ENPP3: variants seen among roughly 807,000 people sequenced by gnomAD.
The protein encoded by ENPP3 is ectonucleotide pyrophosphatase/phosphodiesterase family member 3.
ENPP3 carries 104 observed loss-of-function variants against 117.8 expected under a neutral mutation model. The observed-to-expected ratio is 0.88, with a 90% CI of 0.75 to 1.04. The LOEUF (loss-of-function observed/expected upper bound fraction) is 1.04, where lower values mean the gene tolerates loss of function less well. ENPP3 is among the 50% of genes least tolerant of loss of function. The pLI is 0.00. For missense variants in ENPP3, 1,026 were observed against 1,051.9 expected, an observed-to-expected ratio of 0.98 and a Z score of 0.34; for synonymous variants, 380 against 349.9, an observed-to-expected ratio of 1.09 and a Z score of -0.96.
intron 11 of ENPP3, among the ~76,000 whole-genome samples, chr6:131,681,056 G>T (rs1018346363): frequency 1.3e-5 from 2 of 151,858 alleles, no homozygotes; most frequent in African/African-American, 2.4e-5. Flanking sequence ...GTGGTTGGGG[G>T]AGTGAATCAG....
intron 14 of ENPP3, among the ~76,000 whole-genome samples, chr6:131,686,523 T>G (rs994421512): frequency 6.6e-6 from 1 of 152,200 alleles, no homozygotes; most frequent in Non-Finnish European, 1.5e-5. Flanking sequence ...TTTAAAAAAT[T>G]CAACTTTCAT....
intron 7 of ENPP3, among the ~76,000 whole-genome samples, chr6:131,671,655 C>G: frequency 6.6e-6 from 1 of 152,146 alleles, no homozygotes; most frequent in Non-Finnish European, 1.5e-5. Context: ...GAACAGTAGG[C>G]TATATATAGG....
At chr6:131,669,229 C>A (rs573595834) in intron 6 of ENPP3, among the ~76,000 whole-genome samples, 1 of 151,954 alleles carries the variant, frequency 6.6e-6, no homozygotes, top group African/African-American at 2.4e-5. Flanking sequence ...TATTAAATGT[C>A]TTTCCTTAAT....
intron 6 of ENPP3, among the ~76,000 whole-genome samples, chr6:131,660,406 T>C (rs1198233223): frequency 6.6e-6 from 1 of 152,138 alleles, no homozygotes; most frequent in East Asian, 1.9e-4. Flanking sequence ...AGGAAGTGGC[T>C]CTCTGAATCA....
intron 6 of ENPP3, among the ~76,000 whole-genome samples, chr6:131,658,684 A>G (rs142794868): frequency 1.9e-4 from 29 of 152,262 alleles, no homozygotes; most frequent in African/African-American, 5.8e-4. Flanking sequence ...CTTCTGTCCT[A>G]TGGAAATCTA....
Position 131,747,122 on chromosome 6 carries a change from A to C in ENPP3, c.*166A>C. On this transcript the variant is annotated 3_prime_UTR_variant, in exon 25 of 25. Coordinates refer to ENST00000357639, the MANE Select transcript of ENPP3 (RefSeq NM_005021.5). The stretch of plus-strand genomic sequence containing the variant: ...TTTTTCTCTTTTTTCAATTCTATGA[A>C]TATGTATTATTTTAAAGTTATATTT... 2 of 451,082 alleles carry C rather than the reference A, an allele frequency of 4.4e-6. No individual in the cohort carries two copies. Among genetic ancestry groups the C allele is most frequent in the South Asian group, 1.0e-4 (2 of 20,094 alleles). 27.9% of individuals were successfully genotyped at this position (451,082 alleles called of 1,614,324 possible).
chr6:131,733,753 C>G (rs763570212), intron 21 of ENPP3, 30 bp downstream of exon 21: 57 of 1,608,086 alleles, frequency 3.5e-5, no homozygotes, highest in Non-Finnish European at 4.8e-5. Context: ...AGAGCAGTAG[C>G]TTAGAAAGCT....
At chr6:131,739,808 C>T (rs1437972002) in intron 23 of ENPP3, among the ~76,000 whole-genome samples, 4 of 151,590 alleles carry the variant, frequency 2.6e-5, no homozygotes, top group Admixed American at 1.3e-4. Flanking sequence ...CAGTGGCTCA[C>T]GCCTGTCATG....
intron 5 of ENPP3, among the ~76,000 whole-genome samples, chr6:131,653,388 T>C (rs1778307741): frequency 6.6e-6 from 1 of 151,508 alleles, no homozygotes; most frequent in African/African-American, 2.4e-5. Context: ...GTTCAAGTTA[T>C]CTACTCGCCT....
At chr6:131,665,530 T>C (rs1014373448) in intron 6 of ENPP3, among the ~76,000 whole-genome samples, 7 of 152,252 alleles carry the variant, frequency 4.6e-5, no homozygotes, top group African/African-American at 1.7e-4. Context: ...TGTTGGCATA[T>C]AATTATTCAT....
intron 16 of ENPP3, 84 bp downstream of exon 16, chr6:131,718,822 C>T: frequency 1.3e-6 from 1 of 750,138 alleles, no homozygotes; most frequent in Non-Finnish European, 2.3e-6. Flanking sequence ...CATAGGTAAA[C>T]ATCTGTCATG....
intron 2 of ENPP3, among the ~76,000 whole-genome samples, chr6:131,648,658 A>T (rs547686849): frequency 6.6e-6 from 1 of 152,332 alleles, no homozygotes; most frequent in African/African-American, 2.4e-5. Flanking sequence ...TTTTCAAGGG[A>T]TAGAAACAAG....
intron 9 of ENPP3, 107 bp from the exon 10 acceptor site, chr6:131,676,629 A>G: frequency 1.4e-6 from 1 of 730,020 alleles, no homozygotes; most frequent in South Asian, 1.6e-5. Context: ...ATTATATAGG[A>G]ACACAAAATG....
chr6:131,683,751 T>TG (rs1479927729), intron 12 of ENPP3, among the ~76,000 whole-genome samples: 1 of 145,754 alleles, frequency 6.9e-6, no homozygotes, highest in Non-Finnish European at 1.5e-5. Flanking sequence ...CTCTACAGGT[T>TG]TTTTTTTTTT....
chr6:131,703,214 C>T (rs1336126173), intron 15 of ENPP3, among the ~76,000 whole-genome samples: 1 of 135,076 alleles, frequency 7.4e-6, no homozygotes, highest in Non-Finnish European at 1.5e-5. Flanking sequence ...TGAAACCAGC[C>T]TGGGCAGCAT....
chr6:131,691,598 A>G (rs1779280607), intron 14 of ENPP3, among the ~76,000 whole-genome samples: 1 of 151,698 alleles, frequency 6.6e-6, no homozygotes, highest in Non-Finnish European at 1.5e-5. Context: ...CAAAAAAAAA[A>G]AAAGAAAGAG....
intron 20 of ENPP3, 44 bp downstream of exon 20, chr6:131,726,244 A>T: frequency 6.4e-7 from 1 of 1,557,532 alleles, no homozygotes; most frequent in Non-Finnish European, 8.8e-7. Flanking sequence ...AGAAATATTT[A>T]TAATCCTTTC....
At chr6:131,703,522 A>G (rs1336960561) in intron 15 of ENPP3, among the ~76,000 whole-genome samples, 18 of 136,964 alleles carry the variant, frequency 1.3e-4, no homozygotes, top group African/African-American at 5.4e-4. Context: ...AGAGAGTAGA[A>G]ATGTACTTTT....
chr6:131,717,107 G>C (rs1779908216), intron 15 of ENPP3, among the ~76,000 whole-genome samples: 1 of 152,086 alleles, frequency 6.6e-6, no homozygotes, highest in Admixed American at 6.5e-5. Flanking sequence ...GACTTGTCTT[G>C]CTTTCCCCAT....
Sources: gnomAD v4.1 joint callset for allele counts (sites outside exome capture counted in the v4.1 genomes callset) on GRCh38, gnomAD v4.1.1 for gene constraint, MANE v1.5 for transcripts, NCBI Gene and HGNC (gene_info 2026-07-23, HGNC 2026-07-21) for gene names.